USP49: variants seen among roughly 807,000 people sequenced by gnomAD.
USP49 encodes ubiquitin carboxyl-terminal hydrolase 49.
A neutral mutation model predicts 58.6 loss-of-function variants in USP49; 24 were observed. That is an observed-to-expected ratio of 0.41 (90% CI 0.30 to 0.58). The LOEUF (loss-of-function observed/expected upper bound fraction) is 0.58, where lower values mean the gene tolerates loss of function less well. Among genes scored for constraint, USP49 ranks in the 20% least tolerant of loss-of-function variants. USP49 has a pLI of 0.30. For synonymous variants in USP49, 408 were observed against 365.1 expected (o/e 1.12, Z -1.34); for missense variants, 703 against 866.1 (o/e 0.81, Z 2.36).
At position 41,791,700 on chromosome 6, in the gene USP49, G is replaced by C. The variant is rs1354732803; in HGVS notation, c.*4833C>G. The C allele has an allele frequency of 6.6e-6, 1 of 152,220 alleles. No individual in the cohort carries two copies. The highest frequency in any genetic ancestry group is 2.4e-5 in the African/African-American group (1 of 41,460). 9.4% of individuals were successfully genotyped at this position (152,220 alleles called of 1,614,324 possible). The stretch of plus-strand genomic sequence containing the variant: ...AATGAGTCCACAAAAATGAGTGCCT[G>C]CCACAATGCTATAGTAGCTATGGTG... On this transcript the variant is annotated 3_prime_UTR_variant, in exon 8 of 8. Coordinates refer to ENST00000682992, the MANE Select transcript of USP49 (RefSeq NM_001286554.2).
At chr6:41,835,802 AGTAGCTCATGCCT>A (rs1427377398) in intron 3 of USP49, among the ~76,000 whole-genome samples, 1 of 152,054 alleles carries the variant, frequency 6.6e-6, no homozygotes, top group Non-Finnish European at 1.5e-5. Context: ...GGCTGGGCAC[AGTAGCTCATGCCT>A]GTAATCCTAG....
rs1431054520 is a variant in USP49 at position 41,792,763 on chromosome 6, C to T, written c.*3770G>A. On this transcript the variant is annotated 3_prime_UTR_variant, in exon 8 of 8. Transcript: ENST00000682992. ...TCTGTGATACCAGATGTCCTTTAAACACTACACAGACCCATTTGCCACTTG... is the reference window on the plus strand; with the variant it reads ...TCTGTGATACCAGATGTCCTTTAAATACTACACAGACCCATTTGCCACTTG... 6.6e-6 allele frequency: 1 copy of T among 152,240 alleles called. No homozygotes were observed. The highest frequency in any genetic ancestry group is 1.5e-5 in the Non-Finnish European group (1 of 68,048). 9.4% of individuals were successfully genotyped at this position (152,240 alleles called of 1,614,324 possible).
At chr6:41,815,399 C>T (rs1032567907) in intron 3 of USP49, among the ~76,000 whole-genome samples, 10 of 148,450 alleles carry the variant, frequency 6.7e-5, no homozygotes, top group South Asian at 2.1e-4. Context: ...CCAGCCTGGG[C>T]GACAGAGTGA....
chr6:41,831,298 G>A (rs1255222834), intron 3 of USP49, among the ~76,000 whole-genome samples: 1 of 152,118 alleles, frequency 6.6e-6, no homozygotes, highest in African/African-American at 2.4e-5. Context: ...GCTGAGGCAG[G>A]AGAATCGCTT....
chr6:41,807,920 C>T lies in USP49; in HGVS notation c.-28-909G>A, dbSNP rs192112899. On this transcript the variant is annotated intron_variant, in intron 3 of 7. Transcript: ENST00000682992. ...TCCCAGGAAGCTGGGATTACAGGTGCGCGCACCACCACACCCGGCTAATTT... is the reference window on the plus strand; with the variant it reads ...TCCCAGGAAGCTGGGATTACAGGTGTGCGCACCACCACACCCGGCTAATTT... Among the ~76,000 whole-genome samples, 490 of 149,750 alleles carry T rather than the reference C, an allele frequency of 3.3e-3. 5 individuals are homozygous for T. Among genetic ancestry groups the T allele is most frequent in the Middle Eastern group, 0.021 (6 of 282 alleles).
chr6:41,823,830 T>TG (rs900855668), intron 3 of USP49, among the ~76,000 whole-genome samples: 1 of 151,364 alleles, frequency 6.6e-6, no homozygotes, highest in Non-Finnish European at 1.5e-5. Context: ...GTGGAGGTGG[T>TG]GGGGGGGTCG....
At chr6:41,869,299 C>T (rs1240375236) in intron 3 of USP49, among the ~76,000 whole-genome samples, 6 of 152,026 alleles carry the variant, frequency 3.9e-5, no homozygotes, top group Admixed American at 3.9e-4. Flanking sequence ...TCAGGAGGCT[C>T]AGACAGGTGG....
chr6:41,825,125 C>T (rs139157147), intron 3 of USP49, among the ~76,000 whole-genome samples: 44 of 152,266 alleles, frequency 2.9e-4, no homozygotes, highest in African/African-American at 1.0e-3. Context: ...CTACCTCTGC[C>T]CTGTTTTAAA....
At chr6:41,848,088 A>G (rs1191194590) in intron 3 of USP49, among the ~76,000 whole-genome samples, 1 of 152,188 alleles carries the variant, frequency 6.6e-6, no homozygotes, top group Non-Finnish European at 1.5e-5. Flanking sequence ...ACCAGCAGAA[A>G]CTCCAAAGAA....
chr6:41,884,088 A>G (rs149468735), intron 2 of USP49, among the ~76,000 whole-genome samples: 2 of 152,166 alleles, frequency 1.3e-5, no homozygotes, highest in East Asian at 1.9e-4. Context: ...CAGTGGCACA[A>G]TCTTGGCTCA....
At chr6:41,854,614 T>C (rs773207932) in intron 3 of USP49, among the ~76,000 whole-genome samples, 13 of 152,222 alleles carry the variant, frequency 8.5e-5, no homozygotes, top group Non-Finnish European at 1.8e-4. Flanking sequence ...GTTAAAATAT[T>C]CTTTCTTGCA....
chr6:41,820,511 A>G lies in USP49; in HGVS notation c.-28-13500T>C, dbSNP rs182453615. Among the ~76,000 whole-genome samples, 101 of 152,124 alleles carry G rather than the reference A, an allele frequency of 6.6e-4. 1 individual carries two copies. Among genetic ancestry groups the G allele is most frequent in the African/African-American group, 2.4e-3 (99 of 41,494 alleles). ...CTTTGTATGTAGAAATACCTCTGAT[A>G]TATTTATAGGTGAAATATTAATATT... On this transcript the variant is annotated intron_variant, in intron 3 of 7. Transcript: ENST00000682992.
At chr6:41,828,210 C>T (rs562996737) in intron 3 of USP49, among the ~76,000 whole-genome samples, 5 of 151,902 alleles carry the variant, frequency 3.3e-5, no homozygotes, top group African/African-American at 7.2e-5. Flanking sequence ...TTTGGGAGGC[C>T]GAGGCGGGCA....
rs1180765037 is a variant in USP49, at chr6:41,805,740, A to C, written c.1244T>G (p.Leu415Arg). The C allele has an allele frequency of 6.2e-7, 1 of 1,613,982 alleles. No individual in the cohort carries two copies. The stretch of plus-strand genomic sequence containing the variant: ...CCGGCGTGTGGTGCCCTCAGACTCG[A>C]GTTCCTGCTGCACCTTGTGCAGCAG... The part of the protein sequence containing the change: ...CELLHKVQQE[L>R]ESEGTTRRIL... Residue 415 changes from leucine to arginine, a missense_variant, in exon 4 of 8, where the codon CTC (leucine) becomes CGC (arginine). By Grantham distance (102) the Leu-to-Arg change is moderately radical. Around this residue, in one of 6 missense-constraint regions of USP49, gnomAD observed 66 missense variants for 116.0 expected, o/e 0.57. Coordinates refer to ENST00000682992, the MANE Select transcript of USP49 (RefSeq NM_001286554.2).
chr6:41,796,861 A>G (rs953335124), intron 7 of USP49, 138 bp from the exon 8 acceptor site: 9 of 605,268 alleles, frequency 1.5e-5, no homozygotes, highest in Middle Eastern at 3.9e-4. Flanking sequence ...GGGAAGGGAC[A>G]GGTAAATGAA....
intron 3 of USP49, among the ~76,000 whole-genome samples, chr6:41,856,577 C>T (rs1253173088): frequency 6.6e-6 from 1 of 152,140 alleles, no homozygotes; most frequent in East Asian, 1.9e-4. Flanking sequence ...CTACTGGGGA[C>T]TCAGAGAAAT....
At chr6:41,892,509 A>G (rs1479639959) in intron 1 of USP49, among the ~76,000 whole-genome samples, 1 of 152,236 alleles carries the variant, frequency 6.6e-6, no homozygotes, top group Non-Finnish European at 1.5e-5. Flanking sequence ...AAATTGCTAA[A>G]TACATCTAGT....
At chr6:41,824,906 T>A (rs190456251) in intron 3 of USP49, among the ~76,000 whole-genome samples, 1 of 152,306 alleles carries the variant, frequency 6.6e-6, no homozygotes, top group Admixed American at 6.5e-5. Context: ...TAGAAGGCAT[T>A]TCAAAGACGT....
intron 1 of USP49, among the ~76,000 whole-genome samples, 172 bp downstream of exon 1, chr6:41,895,152 C>T (rs1051762024): frequency 4.0e-5 from 6 of 151,024 alleles, no homozygotes; most frequent in Admixed American, 2.0e-4. Context: ...GATTTTGCTT[C>T]TTTAAAGGGG....
Sources: allele counts gnomAD v4.1 joint callset (sites outside exome capture counted in the v4.1 genomes callset), GRCh38; gene constraint gnomAD v4.1.1; regional missense constraint gnomAD v4.1.1; transcripts MANE v1.5; gene names NCBI Gene and HGNC (gene_info 2026-07-23, HGNC 2026-07-21).